SYNJ2BP: variants seen among roughly 807,000 people sequenced by gnomAD.
SYNJ2BP encodes the protein synaptojanin 2 binding protein.
SYNJ2BP carries 10 observed loss-of-function variants against 16.9 expected under a neutral mutation model. That is an observed-to-expected ratio of 0.59 (90% CI 0.36 to 1.00). SYNJ2BP has a LOEUF of 1.00. Among genes scored for constraint, SYNJ2BP ranks in the 50% least tolerant of loss-of-function variants. The pLI is 0.01. For missense variants in SYNJ2BP, 162 were observed against 186.7 expected (o/e 0.87, Z 0.77); for synonymous variants, 54 against 68.4 (o/e 0.79, Z 1.04).
Position 70,369,029 on chromosome 14 carries a change from T to A in SYNJ2BP, c.*3962A>T, listed in dbSNP as rs190681845. 2.8e-4 allele frequency: 42 copies of A among 152,332 alleles called. No homozygotes were observed. The East Asian group carries it at 8.1e-3, about 29-fold the overall frequency. 9.4% of individuals were successfully genotyped at this position (152,332 alleles called of 1,614,324 possible). A position where few individuals can be genotyped will look rare whatever the true frequency, so the allele number is the denominator to read the frequency against. Reference sequence around the variant, plus strand: ...CCTGGAAGGATTACAAAAACACAGATTGTGAGATGCCACGCTCAGAGTTTT... The same window carrying A: ...CCTGGAAGGATTACAAAAACACAGAATGTGAGATGCCACGCTCAGAGTTTT... On this transcript the variant is annotated 3_prime_UTR_variant, in exon 4 of 4. Transcript: ENST00000256366.
intron 1 of SYNJ2BP, among the ~76,000 whole-genome samples, chr14:70,394,333 G>C (rs7160153): frequency 0.051 from 7,727 of 152,138 alleles, 234 homozygotes; most frequent in African/African-American, 0.077. Context: ...AAAAGAACCT[G>C]AGAGGAACAT....
At chr14:70,384,547 AAG>A (rs1191642541) in intron 2 of SYNJ2BP, among the ~76,000 whole-genome samples, 2 of 152,200 alleles carry the variant, frequency 1.3e-5, no homozygotes, top group East Asian at 3.9e-4. Context: ...GGGATCTAGA[AAG>A]AAGAATTTTG....
rs71448320 is a variant in SYNJ2BP, at chr14:70,367,561, C to CAAAAAAAAAAAAAAAAAAAAAAAAAAA, written c.*5429_*5430insTTTTTTTTTTTTTTTTTTTTTTTTTTT. ...TAGGCGACAGAGCAAGACTCCGTCTCAAAAAAAAAAAAAAAAAAAAAAAAA... is the reference window on the plus strand; with the variant it reads ...TAGGCGACAGAGCAAGACTCCGTCTCAAAAAAAAAAAAAAAAAAAAAAAAAAAAAAAAAAAAAAAAAAAAAAAAAAAA... On this transcript the variant is annotated 3_prime_UTR_variant, in exon 4 of 4. Transcript: ENST00000256366. 2 of 36,950 alleles carry CAAAAAAAAAAAAAAAAAAAAAAAAAAA rather than the reference C, an allele frequency of 5.4e-5. No individual in the cohort carries two copies. The highest frequency in any genetic ancestry group is 5.1e-5 in the Non-Finnish European group (1 of 19,440). The allele number at this position is 36,950 out of a possible 1,614,324, so 2.3% of individuals were successfully genotyped here. A position where few individuals can be genotyped will look rare whatever the true frequency, so the allele number is the denominator to read the frequency against.
intron 1 of SYNJ2BP, among the ~76,000 whole-genome samples, chr14:70,397,513 T>G (rs1299540216): frequency 6.6e-6 from 1 of 152,222 alleles, no homozygotes; most frequent in African/African-American, 2.4e-5. Flanking sequence ...GACCTCTGTG[T>G]GGCTGCTGCA....
At chr14:70,385,215 A>C (rs1219860408) in intron 2 of SYNJ2BP, among the ~76,000 whole-genome samples, 2 of 151,908 alleles carry the variant, frequency 1.3e-5, no homozygotes, top group East Asian at 3.9e-4. Context: ...TCAATAATTT[A>C]TTTTCTCTGT....
intron 2 of SYNJ2BP, among the ~76,000 whole-genome samples, chr14:70,387,388 G>T (rs1000003707): frequency 3.9e-5 from 6 of 152,212 alleles, no homozygotes; most frequent in African/African-American, 1.2e-4. Context: ...CATTTTAATA[G>T]TTTTGACTGT....
At chr14:70,405,809 T>C (rs1158187944) in intron 1 of SYNJ2BP, among the ~76,000 whole-genome samples, 1 of 152,228 alleles carries the variant, frequency 6.6e-6, no homozygotes, top group Middle Eastern at 3.2e-3. Context: ...GTTCACCTTT[T>C]GAGTAATCTA....
At chr14:70,409,471 C>T (rs770169954) in intron 1 of SYNJ2BP, among the ~76,000 whole-genome samples, 23 of 152,184 alleles carry the variant, frequency 1.5e-4, no homozygotes, top group African/African-American at 3.9e-4. Flanking sequence ...CACATGGCTT[C>T]GCAAAATGTT....
intron 1 of SYNJ2BP, among the ~76,000 whole-genome samples, chr14:70,401,540 T>TC (rs1555349096): frequency 6.7e-6 from 1 of 149,128 alleles, no homozygotes; most frequent in Non-Finnish European, 1.5e-5. Flanking sequence ...TTTTTTTTTT[T>TC]CAGTCAATTG....
chr14:70,384,492 G>GCC (rs1887817687), intron 2 of SYNJ2BP, among the ~76,000 whole-genome samples: 1 of 151,770 alleles, frequency 6.6e-6, no homozygotes, highest in Non-Finnish European at 1.5e-5. Flanking sequence ...ACGATGTCAC[G>GCC]GGTAAGTGAT....
intron 1 of SYNJ2BP, among the ~76,000 whole-genome samples, chr14:70,401,176 A>G (rs988759615): frequency 4.0e-5 from 6 of 150,584 alleles, no homozygotes; most frequent in Middle Eastern, 3.4e-3. Flanking sequence ...CACAAGAGGG[A>G]AAAAAAAAGC....
intron 2 of SYNJ2BP, among the ~76,000 whole-genome samples, chr14:70,386,532 T>C (rs962048804): frequency 6.6e-6 from 1 of 152,230 alleles, no homozygotes; most frequent in Non-Finnish European, 1.5e-5. Flanking sequence ...TTCTTTCTTT[T>C]TGGGGGACTA....
At position 70,373,149 on chromosome 14, in the gene SYNJ2BP, A is replaced by G. The variant is rs200225131; in HGVS notation, c.298-18T>C. On this transcript the variant is annotated intron_variant, in intron 3 of 3. Transcript: ENST00000256366. ...ACCTGTAACTGGAAGGGAAAGAAAA[A>G]TGTTAACTCTAGTGACTAATGTGTG... 1.9e-6 allele frequency: 3 copies of G among 1,613,086 alleles called. No individual in the cohort carries two copies. The highest frequency in any genetic ancestry group is 2.2e-5 in the South Asian group (2 of 90,946).
At chr14:70,379,640 T>A (rs568166292) in intron 2 of SYNJ2BP, among the ~76,000 whole-genome samples, 2 of 152,242 alleles carry the variant, frequency 1.3e-5, no homozygotes, top group African/African-American at 4.8e-5. Context: ...TTGTTAGATA[T>A]GCTGTAGGAA....
At chr14:70,399,553 G>C (rs1888188552) in intron 1 of SYNJ2BP, among the ~76,000 whole-genome samples, 1 of 152,190 alleles carries the variant, frequency 6.6e-6, no homozygotes, top group Non-Finnish European at 1.5e-5. Flanking sequence ...GGCTGCCTCA[G>C]GGACGCAAGG....
Position 70,366,724 on chromosome 14 carries a change from C to G in SYNJ2BP, c.*6267G>C, listed in dbSNP as rs1887395603. On this transcript the variant is annotated 3_prime_UTR_variant, in exon 4 of 4. Coordinates refer to ENST00000256366, the MANE Select transcript of SYNJ2BP (RefSeq NM_018373.3). ...GTGTCTTCCAAGTTGCTACAGGGCTCTATTTGATCTGAGAAACTGACTGCT... is the reference window on the plus strand; with the variant it reads ...GTGTCTTCCAAGTTGCTACAGGGCTGTATTTGATCTGAGAAACTGACTGCT... 6.6e-6 allele frequency: 1 copy of G among 152,118 alleles called. No individual in the cohort carries two copies. The highest frequency in any genetic ancestry group is 6.5e-5 in the Admixed American group (1 of 15,276). 9.4% of individuals were successfully genotyped at this position (152,118 alleles called of 1,614,324 possible).
intron 2 of SYNJ2BP, among the ~76,000 whole-genome samples, chr14:70,382,437 C>G (rs1887772602): frequency 6.6e-6 from 1 of 152,192 alleles, no homozygotes; most frequent in African/African-American, 2.4e-5. Flanking sequence ...CTGAAAAACA[C>G]TTGCCTACAG....
intron 3 of SYNJ2BP, among the ~76,000 whole-genome samples, chr14:70,375,011 G>A (rs1489127249): frequency 1.3e-5 from 2 of 150,378 alleles, no homozygotes; most frequent in Admixed American, 1.3e-4. Flanking sequence ...TTGAACTCCC[G>A]GGCTCAAGCA....
intron 1 of SYNJ2BP, among the ~76,000 whole-genome samples, chr14:70,411,787 T>G (rs577696815): frequency 5.3e-5 from 8 of 152,338 alleles, no homozygotes; most frequent in African/African-American, 1.7e-4. Context: ...ATTACCATGC[T>G]CCTTTCCGCA....
Sources: allele counts gnomAD v4.1 joint callset (sites outside exome capture counted in the v4.1 genomes callset), GRCh38; gene constraint gnomAD v4.1.1; transcripts MANE v1.5; gene names NCBI Gene and HGNC (gene_info 2026-07-23, HGNC 2026-07-21).